The following SRP19 variants were observed in gnomAD, a reference collection of about 807,000 sequenced individuals.
The protein encoded by SRP19 is signal recognition particle 19 kDa protein.
In SRP19, 11 loss-of-function variants were observed where a neutral mutation model predicts 22.4. The ratio of observed to expected loss-of-function variants is 0.49; its 90% CI spans 0.31 to 0.81. The LOEUF is 0.81. Among genes scored for constraint, SRP19 ranks in the 40% least tolerant of loss-of-function variants. The pLI is 0.05. For missense variants in SRP19, 168 were observed against 175.9 expected, an observed-to-expected ratio of 0.96 and a Z score of 0.25; for synonymous variants, 61 against 57.6, an observed-to-expected ratio of 1.06 and a Z score of -0.27.
At chr5:112,863,474 A>G (rs1767481539) in intron 2 of SRP19, among the ~76,000 whole-genome samples, 1 of 152,116 alleles carries the variant, frequency 6.6e-6, no homozygotes, top group Admixed American at 6.5e-5. Flanking sequence ...ACTAGATGAC[A>G]GGTCAGCCCC....
At chr5:112,873,345 CT>C (rs71626678), downstream of SRP19, among the ~76,000 whole-genome samples, 3,012 of 58,972 alleles carry the variant, frequency 0.051, 66 homozygotes, top group African/African-American at 0.12. Flanking sequence ...CTTTCCTATT[CT>C]TTTTTTTTTT....
chr5:112,865,513 C>A (rs796746828), intron 4 of SRP19, among the ~76,000 whole-genome samples: 1 of 151,788 alleles, frequency 6.6e-6, no homozygotes, highest in Admixed American at 6.6e-5. Flanking sequence ...TTAATTTTTT[C>A]TTTCAGTTTA....
intron 4 of SRP19, among the ~76,000 whole-genome samples, chr5:112,875,221 T>C (rs1308941761): frequency 6.6e-6 from 1 of 152,226 alleles, no homozygotes; most frequent in Non-Finnish European, 1.5e-5. Context: ...CCATGCTATA[T>C]AGAACTGTAA....
At chr5:112,886,900 G>A (rs1580732172) in intron 4 of SRP19, 4 of 688,680 alleles carry the variant, frequency 5.8e-6, no homozygotes, top group African/African-American at 5.3e-5. Flanking sequence ...CCAGAGTAAT[G>A]TTGGCATTTG....
intron 1 of SRP19, among the ~76,000 whole-genome samples, chr5:112,861,618 AT>A (rs1286295423): frequency 6.6e-6 from 1 of 152,230 alleles, no homozygotes; most frequent in Non-Finnish European, 1.5e-5. Context: ...GGCTCCTGAA[AT>A]TCCGACCATA....
intron 4 of SRP19, among the ~76,000 whole-genome samples, chr5:112,889,829 A>ATT (rs35932072): frequency 0.015 from 2,044 of 139,306 alleles, 42 homozygotes; most frequent in Non-Finnish European, 0.022. Context: ...GAAAAAAAAA[A>ATT]TTTTTTTTTT....
At chr5:112,871,179 A>G (rs1767750072), downstream of SRP19, among the ~76,000 whole-genome samples, 2 of 151,322 alleles carry the variant, frequency 1.3e-5, no homozygotes, top group Non-Finnish European at 2.9e-5. Context: ...CTAAGATTTC[A>G]GAACTATTGC....
intron 1 of SRP19, among the ~76,000 whole-genome samples, 164 bp downstream of exon 1, chr5:112,861,581 C>A (rs1464325637): frequency 6.6e-6 from 1 of 152,236 alleles, no homozygotes; most frequent in East Asian, 1.9e-4. Context: ...TTTCTGAATC[C>A]TGCAGCAGCC....
chr5:112,890,245 C>G lies in SRP19; in HGVS notation c.302-1358C>G, dbSNP rs1486106424. On this transcript the variant is annotated intron_variant, in intron 4 of 4. Transcript: ENST00000391338. ...GTCGAGACTGCAGTGAGCTGTGATA[C>G]CATCACTGCAATCCAGGCTTGGTGA... Among the ~76,000 whole-genome samples, 19 of 150,318 alleles carry G rather than the reference C, an allele frequency of 1.3e-4. 3 individuals are homozygous for G. The East Asian group carries it at 3.9e-3, about 30-fold the overall frequency.
At chr5:112,870,864 G>A (rs892625285), downstream of SRP19, among the ~76,000 whole-genome samples, 3 of 152,124 alleles carry the variant, frequency 2.0e-5, no homozygotes, top group Non-Finnish European at 4.4e-5. Flanking sequence ...GGATTTCCCA[G>A]CTCCTAATCA....
exon 5 of SRP19, chr5:112,892,684 A>T: frequency 6.2e-7 from 1 of 1,614,148 alleles, no homozygotes; most frequent in Non-Finnish European, 8.5e-7. Flanking sequence ...GGAAGCTAAT[A>T]GAGACATCTA....
At chr5:112,877,524 T>TATC (rs1767934594) in intron 4 of SRP19, 5 of 152,298 alleles carry the variant, frequency 3.3e-5, no homozygotes, top group Admixed American at 2.6e-4. Context: ...ATGTGCAGCT[T>TATC]ATCAACACAA....
In SRP19 at chr5:112,867,707, A is replaced by G; in HGVS notation, c.*170A>G. The G allele has an allele frequency of 3.7e-6, 5 of 1,351,368 alleles. No individual in the cohort carries two copies. In the South Asian group the frequency reaches 7.0e-5, roughly 19 times the overall value. 83.7% of individuals were successfully genotyped at this position (1,351,368 alleles called of 1,614,324 possible). A position where few individuals can be genotyped will look rare whatever the true frequency, so the allele number is the denominator to read the frequency against. On this transcript the variant is annotated 3_prime_UTR_variant, in exon 5 of 5. Coordinates refer to ENST00000505459, the MANE Select transcript of SRP19 (RefSeq NM_003135.3). ...GTTGACAGTGAAACAAATTTACATC[A>G]GAAGTTTGCATCTCGCGTATATGCC... is the stretch of plus-strand genomic sequence containing the variant.
rs765074322 is a variant in SRP19 at position 112,892,318 on chromosome 5, G to C, written c.*711G>C. On this transcript the variant is annotated 3_prime_UTR_variant, in exon 5 of 5. Transcript: ENST00000391338. ...GTGCAGGAGGGATGACTATGACCCT[G>C]ACGCAAGCCTGGAGTACAGCGAGGA... The C allele has an allele frequency of 1.9e-5, 30 of 1,613,986 alleles. No individual in the cohort carries two copies. In the African/African-American group the frequency reaches 3.9e-4, roughly 21 times the overall value.
exon 5 of SRP19, chr5:112,892,892 A>G (rs769582500): frequency 6.2e-7 from 1 of 1,611,246 alleles, no homozygotes; most frequent in Non-Finnish European, 8.5e-7. Flanking sequence ...CGCACATCAA[A>G]GAGTCGGGAG....
chr5:112,894,053 C>G (rs1768595643), downstream of SRP19: 1 of 152,094 alleles, frequency 6.6e-6, no homozygotes, highest in Admixed American at 6.5e-5. Context: ...ACAGCAGACC[C>G]TGCAAGACCA....
chr5:112,878,669 A>ATCTC (rs1648011576), intron 4 of SRP19: 3 of 1,410,818 alleles, frequency 2.1e-6, no homozygotes, highest in Non-Finnish European at 2.9e-6. Flanking sequence ...AATCTTTAAT[A>ATCTC]TCTCAAAAAT....
chr5:112,862,106 C>T (rs1430991579), intron 1 of SRP19, among the ~76,000 whole-genome samples: 1 of 152,214 alleles, frequency 6.6e-6, no homozygotes, highest in Non-Finnish European at 1.5e-5. Context: ...ACAAAACACA[C>T]AAAGCAAGGC....
intron 4 of SRP19, among the ~76,000 whole-genome samples, chr5:112,866,705 A>G (rs1478804960): frequency 6.6e-6 from 1 of 152,218 alleles, no homozygotes; most frequent in Admixed American, 6.5e-5. Context: ...GTTGTGACTA[A>G]GGAGTGACAT....
Sources: gnomAD v4.1 joint callset for allele counts (sites outside exome capture counted in the v4.1 genomes callset) on GRCh38, gnomAD v4.1.1 for gene constraint, MANE v1.5 for transcripts, NCBI Gene and HGNC (gene_info 2026-07-23, HGNC 2026-07-21) for gene names.